DOCK4: variants seen among roughly 807,000 people sequenced by gnomAD.
The protein encoded by DOCK4 is dedicator of cytokinesis 4.
Under a neutral mutation model 268.1 loss-of-function variants are expected in DOCK4, and 97 were observed. The ratio of observed to expected loss-of-function variants is 0.36; its 90% CI spans 0.31 to 0.43. DOCK4 has a LOEUF of 0.43. Among genes scored for constraint, DOCK4 ranks in the 20% least tolerant of loss-of-function variants. The probability of loss-of-function intolerance (pLI) is 1.00; values close to 1 mark genes in which losing one functional copy is unlikely to be tolerated. For missense variants in DOCK4, 2,145 were observed against 2,455.7 expected, an observed-to-expected ratio of 0.87 and a Z score of 2.67; for synonymous variants, 954 against 887.2, an observed-to-expected ratio of 1.08 and a Z score of -1.34.
At chr7:112,006,990 C>G (rs1233936594) in intron 1 of DOCK4, among the ~76,000 whole-genome samples, 3 of 152,184 alleles carry the variant, frequency 2.0e-5, no homozygotes, top group Non-Finnish European at 4.4e-5. Context: ...ATCTATTATT[C>G]TCTATTTAGG....
chr7:112,192,997 T>C (rs960936603), intron 1 of DOCK4, among the ~76,000 whole-genome samples: 1 of 152,168 alleles, frequency 6.6e-6, no homozygotes, highest in African/African-American at 2.4e-5. Flanking sequence ...AGGGACCTGA[T>C]ATTCAACAGC....
At chr7:111,976,178 A>ATAT (rs1562953969) in intron 8 of DOCK4, among the ~76,000 whole-genome samples, 1 of 91,394 alleles carries the variant, frequency 1.1e-5, no homozygotes, top group Non-Finnish European at 1.9e-5. Context: ...ATATATATAT[A>ATAT]CACACACACA....
chr7:111,809,726 G>T (rs572650645), intron 28 of DOCK4, among the ~76,000 whole-genome samples: 3 of 152,170 alleles, frequency 2.0e-5, no homozygotes, highest in African/African-American at 7.2e-5. Context: ...AGACAGATGC[G>T]TGGTTTCTCT....
intron 1 of DOCK4, among the ~76,000 whole-genome samples, chr7:112,186,353 A>T (rs1247542490): frequency 6.6e-6 from 1 of 152,246 alleles, no homozygotes; most frequent in Non-Finnish European, 1.5e-5. Flanking sequence ...ACTGACTAAG[A>T]AACCAGGCTT....
chr7:112,082,126 T>C (rs1032071163), intron 1 of DOCK4, among the ~76,000 whole-genome samples: 3 of 152,070 alleles, frequency 2.0e-5, no homozygotes, highest in Admixed American at 6.6e-5. Context: ...ACATAGTAAA[T>C]GGTAGGAAGG....
chr7:111,749,146 G>C (rs1191405053), intron 42 of DOCK4, among the ~76,000 whole-genome samples: 1 of 152,132 alleles, frequency 6.6e-6, no homozygotes, highest in East Asian at 1.9e-4. Flanking sequence ...AGGCCTGCAG[G>C]ATACTGCTGG....
intron 12 of DOCK4, among the ~76,000 whole-genome samples, chr7:111,920,932 TA>T (rs1409558802): frequency 6.6e-6 from 1 of 152,102 alleles, no homozygotes; most frequent in African/African-American, 2.4e-5. Flanking sequence ...AAAATTAGAT[TA>T]AATCTGAATT....
chr7:112,184,736 G>A (rs989553523), intron 1 of DOCK4, among the ~76,000 whole-genome samples: 2 of 151,932 alleles, frequency 1.3e-5, no homozygotes, highest in African/African-American at 4.8e-5. Context: ...GGCTTGTGAA[G>A]CCTTTCTGCT....
chr7:111,736,194 C>T (rs567781810), intron 50 of DOCK4, among the ~76,000 whole-genome samples: 1 of 152,276 alleles, frequency 6.6e-6, no homozygotes, highest in East Asian at 1.9e-4. Context: ...AATTAAAAGG[C>T]ACTTTCCCAG....
rs1329971549 is a variant in DOCK4 at position 111,933,304 on chromosome 7, T to A, written c.1066+2236A>T. ...CATATATATATATATATATATTTTTTTTTTTTTTTGAGATGGAGTCTCTCT... is the reference window on the plus strand; with the variant it reads ...CATATATATATATATATATATTTTTATTTTTTTTTGAGATGGAGTCTCTCT... On this transcript the variant is annotated intron_variant, in intron 12 of 52. Coordinates refer to ENST00000428084, the MANE Select transcript of DOCK4 (RefSeq NM_001363540.2). Among the ~76,000 whole-genome samples, 1,234 of 134,344 alleles carry A rather than the reference T, an allele frequency of 9.2e-3. 91 individuals are homozygous for A. The highest frequency in any genetic ancestry group is 0.031 in the African/African-American group (993 of 32,192). The allele number at this position is 134,344 out of a possible 152,430, so 88.1% of individuals were successfully genotyped here. A position where few individuals can be genotyped will look rare whatever the true frequency, so the allele number is the denominator to read the frequency against.
At chr7:111,917,496 G>A (rs909113086) in intron 12 of DOCK4, among the ~76,000 whole-genome samples, 3 of 151,748 alleles carry the variant, frequency 2.0e-5, no homozygotes, top group Admixed American at 1.3e-4. Flanking sequence ...GGCGGATCAT[G>A]AGGTCAGGAG....
At chr7:111,987,348 C>T (rs1799129305) in intron 6 of DOCK4, among the ~76,000 whole-genome samples, 1 of 152,112 alleles carries the variant, frequency 6.6e-6, no homozygotes, top group Admixed American at 6.6e-5. Flanking sequence ...CATTTTCTTG[C>T]CTGATCTACA....
At chr7:112,023,493 T>C (rs183973679) in intron 1 of DOCK4, 67 of 341,366 alleles carry the variant, frequency 2.0e-4, no homozygotes, top group Admixed American at 4.2e-4. Flanking sequence ...CATCCTTTGC[T>C]TCTCACGGAG....
At chr7:111,754,844 T>C (rs2133546563) in intron 42 of DOCK4, among the ~76,000 whole-genome samples, 1 of 152,326 alleles carries the variant, frequency 6.6e-6, no homozygotes, top group African/African-American at 2.4e-5. Context: ...CCCACTGATC[T>C]ACAGTGGGTG....
At chr7:111,810,295 T>A (rs1218402282) in intron 28 of DOCK4, among the ~76,000 whole-genome samples, 2 of 151,552 alleles carry the variant, frequency 1.3e-5, no homozygotes, top group Non-Finnish European at 2.9e-5. Context: ...ATCCTAAGAA[T>A]ACAAAAATTA....
At chr7:111,874,543 CA>C (rs1806686478) in intron 17 of DOCK4, among the ~76,000 whole-genome samples, 1 of 152,180 alleles carries the variant, frequency 6.6e-6, no homozygotes, top group Admixed American at 6.5e-5. Flanking sequence ...ATCATGTATG[CA>C]AAATACTTCA....
At chr7:112,171,922 G>A (rs986688679) in intron 1 of DOCK4, among the ~76,000 whole-genome samples, 5 of 152,162 alleles carry the variant, frequency 3.3e-5, no homozygotes, top group Non-Finnish European at 4.4e-5. Context: ...GCAGATGGCT[G>A]TCCTCTTGCT....
At position 111,741,231 on chromosome 7, in the gene DOCK4, A is replaced by G. The variant is rs1397271664; in HGVS notation, c.4920-17T>C. On this transcript the variant is annotated splice_polypyrimidine_tract_variant and intron_variant, in intron 46 of 52. Transcript: ENST00000428084. ...CTTAACGGGCTGTTTCAGGGGGAAA[A>G]AAAAGGTCATTAACTCAGTCTCCAA... The G allele has an allele frequency of 3.7e-6, 6 of 1,612,808 alleles. No homozygotes were observed. Among genetic ancestry groups the G allele is most frequent in the Non-Finnish European group, 5.1e-6 (6 of 1,179,644 alleles).
At chr7:111,931,527 A>T (rs1794200698) in intron 12 of DOCK4, among the ~76,000 whole-genome samples, 1 of 152,218 alleles carries the variant, frequency 6.6e-6, no homozygotes, top group African/African-American at 2.4e-5. Context: ...TTCCTTCCTG[A>T]AGTTAATCAG....
Sources: gnomAD v4.1 joint callset for allele counts (sites outside exome capture counted in the v4.1 genomes callset) on GRCh38, gnomAD v4.1.1 for gene constraint, MANE v1.5 for transcripts, NCBI Gene and HGNC (gene_info 2026-07-23, HGNC 2026-07-21) for gene names.